RBBP4: variants seen among roughly 807,000 people sequenced by gnomAD.
The protein encoded by RBBP4 is RB binding protein 4, chromatin remodeling factor, also known as histone-binding protein RBBP4.
In RBBP4, 3 loss-of-function variants were observed where a neutral mutation model predicts 57.2. That is an observed-to-expected ratio of 0.05 (90% CI 0.02 to 0.14). The LOEUF (loss-of-function observed/expected upper bound fraction) is 0.14. Ranked by LOEUF, RBBP4 falls within the 10% of genes least tolerant of loss-of-function variation. The pLI is 1.00. For missense variants in RBBP4, 107 were observed against 520.6 expected, an observed-to-expected ratio of 0.21 and a Z score of 7.73; for synonymous variants, 151 against 171.5, an observed-to-expected ratio of 0.88 and a Z score of 0.93.
intron 2 of RBBP4, 21 bp from the exon 3 acceptor site, chr1:32,657,406 G>A: frequency 6.2e-7 from 1 of 1,605,736 alleles, no homozygotes; most frequent in South Asian, 1.1e-5. Flanking sequence ...TTTGAACAGT[G>A]ACTATATATT....
intron 2 of RBBP4, among the ~76,000 whole-genome samples, chr1:32,654,706 G>A (rs1039342143): frequency 1.3e-5 from 2 of 152,136 alleles, no homozygotes; most frequent in Admixed American, 6.6e-5. Flanking sequence ...GTTGTTTTGA[G>A]ACGGAGGACG....
At chr1:32,651,444 G>C (rs1647624585) in intron 1 of RBBP4, 122 bp downstream of exon 1, 1 of 1,367,086 alleles carries the variant, frequency 7.3e-7, no homozygotes, top group East Asian at 2.9e-5. Context: ...TACTGAAGGC[G>C]TGAAGAGGGA....
intron 8 of RBBP4, 51 bp from the exon 9 acceptor site, chr1:32,672,399 C>A: frequency 7.3e-7 from 1 of 1,375,698 alleles, no homozygotes; most frequent in African/African-American, 1.5e-5. Context: ...GAATTTTTTC[C>A]CTTTATTTTC....
chr1:32,662,147 G>A, intron 3 of RBBP4: 1 of 270,838 alleles, frequency 3.7e-6, no homozygotes, highest in South Asian at 3.0e-5. Flanking sequence ...GCCTCCCAGA[G>A]TGCTGGGATT....
chr1:32,676,865 C>A (rs1649125398), intron 11 of RBBP4, among the ~76,000 whole-genome samples: 1 of 151,898 alleles, frequency 6.6e-6, no homozygotes, highest in Non-Finnish European at 1.5e-5. Context: ...CTAGCGTGAT[C>A]CCAGGAGGCA....
Position 32,669,030 on chromosome 1 carries a change from A to G in RBBP4, c.659A>G (p.Lys220Arg). ...VPKEGKVVDA[K>R]TIFTGHTAVV... ...AAGGAGGGAAAAGTGGTAGATGCGAAGACCATCTTTACAGGGCATACGGCA... is the reference window on the plus strand; with the variant it reads ...AAGGAGGGAAAAGTGGTAGATGCGAGGACCATCTTTACAGGGCATACGGCA... The change falls in exon 6 of 12, where the codon AAG (lysine) becomes AGG (arginine). Residue 220 changes from lysine to arginine, a missense_variant. Physicochemically the swap from Lys to Arg is conservative, Grantham distance 26. Transcript: ENST00000373493. This position sits in a 1 kb window ranked among gnomAD's most constrained non-coding sequence, Gnocchi z 4.9. 6.2e-7 allele frequency: 1 copy of G among 1,614,114 alleles called. No homozygotes were observed. The highest frequency in any genetic ancestry group is 8.5e-7 in the Non-Finnish European group (1 of 1,180,020).
At chr1:32,675,510 C>A (rs1032607895) in intron 11 of RBBP4, among the ~76,000 whole-genome samples, 27 of 151,874 alleles carry the variant, frequency 1.8e-4, no homozygotes, top group African/African-American at 6.5e-4. Context: ...TGGCTCACGC[C>A]TGTACTCCCA....
chr1:32,676,376 G>A (rs931920129), intron 11 of RBBP4, among the ~76,000 whole-genome samples: 2 of 152,026 alleles, frequency 1.3e-5, no homozygotes, highest in African/African-American at 4.8e-5. Flanking sequence ...AGGCCGAGGT[G>A]GGCAGATCAC....
At position 32,669,857 on chromosome 1, in the gene RBBP4, C is replaced by G. The variant is rs921269156; in HGVS notation, c.966+294C>G. ...AGTGAGCCGAGATTGTGCCACTGCA[C>G]TCTAGCCTGGGCGACAGAACGAGAG... On this transcript the variant is annotated intron_variant, in intron 8 of 11. Transcript: ENST00000373493. This position sits in a 1 kb window ranked among gnomAD's most constrained non-coding sequence, Gnocchi z 4.9. 4.0e-5 allele frequency among the ~76,000 whole-genome samples: 6 copies of G among 151,624 alleles called. No homozygotes were observed. The highest frequency in any genetic ancestry group is 5.9e-5 in the Non-Finnish European group (4 of 67,978).
chr1:32,684,726 C>T lies in RBBP4; in HGVS notation c.*5021C>T, dbSNP rs927340040. ...TGGGCTGAGTTTCATATACCTCTCCCTCCATGTGCAGGTTTGTTAAGATAA... is the reference window on the plus strand; with the variant it reads ...TGGGCTGAGTTTCATATACCTCTCCTTCCATGTGCAGGTTTGTTAAGATAA... On this transcript the variant is annotated 3_prime_UTR_variant, in exon 12 of 12. Transcript: ENST00000373493. 12 of 196,454 alleles carry T rather than the reference C, an allele frequency of 6.1e-5. No homozygotes were observed. The highest frequency in any genetic ancestry group is 1.9e-4 in the African/African-American group (8 of 43,156). The allele number at this position is 196,454 out of a possible 1,614,324, so 12.2% of individuals were successfully genotyped here.
At chr1:32,652,156 G>A in intron 2 of RBBP4, 95 bp downstream of exon 2, 1 of 1,411,672 alleles carries the variant, frequency 7.1e-7, no homozygotes, top group Non-Finnish European at 9.6e-7. Flanking sequence ...ACCCGGAGAA[G>A]GCATGTGATC....
chr1:32,679,995 T>G lies in RBBP4; in HGVS notation c.*290T>G. 8.6e-7 allele frequency: 1 copy of G among 1,167,992 alleles called. No individual in the cohort carries two copies. Among genetic ancestry groups the G allele is most frequent in the Non-Finnish European group, 1.1e-6 (1 of 947,250 alleles). 72.4% of individuals were successfully genotyped at this position (1,167,992 alleles called of 1,614,324 possible). On this transcript the variant is annotated 3_prime_UTR_variant, in exon 12 of 12. Coordinates refer to ENST00000373493, the MANE Select transcript of RBBP4 (RefSeq NM_005610.3). ...TTATGTGTGATTATTTTTCTTCTTA[T>G]GCTATATCCCCAAGTTTTTCAGACT... is the stretch of plus-strand genomic sequence containing the variant.
Position 32,684,462 on chromosome 1 carries a change from T to G in RBBP4, c.*4757T>G, listed in dbSNP as rs2148544516. The stretch of plus-strand genomic sequence containing the variant: ...TGTCCACTCTTACTTATAAAACACT[T>G]TTTTGTTCATTGTTTAATCTTGATA... On this transcript the variant is annotated 3_prime_UTR_variant, in exon 12 of 12. Coordinates refer to ENST00000373493, the MANE Select transcript of RBBP4 (RefSeq NM_005610.3). 1 of 1,590,688 alleles carries G rather than the reference T, an allele frequency of 6.3e-7. No homozygotes were observed. The highest frequency in any genetic ancestry group is 1.1e-5 in the South Asian group (1 of 88,356).
At chr1:32,662,263 G>A (rs552556065) in intron 3 of RBBP4, 7 of 298,090 alleles carry the variant, frequency 2.3e-5, no homozygotes, top group Admixed American at 3.4e-5. Flanking sequence ...GCAGTGGTGC[G>A]ATCTCACTGC....
At chr1:32,663,228 G>A (rs1269550776) in intron 3 of RBBP4, among the ~76,000 whole-genome samples, 1 of 151,838 alleles carries the variant, frequency 6.6e-6, no homozygotes, top group Non-Finnish European at 1.5e-5. Flanking sequence ...ATTTTGACCT[G>A]GTGCATACAT....
Position 32,681,687 on chromosome 1 carries a change from T to C in RBBP4, c.*1982T>C. 2.8e-6 allele frequency: 3 copies of C among 1,083,602 alleles called. No individual in the cohort carries two copies. Among genetic ancestry groups the C allele is most frequent in the Non-Finnish European group, 4.1e-6 (3 of 728,120 alleles). 67.1% of individuals were successfully genotyped at this position (1,083,602 alleles called of 1,614,324 possible). On this transcript the variant is annotated 3_prime_UTR_variant, in exon 12 of 12. Transcript: ENST00000373493. ...TCTGCCTCCGGCCAACTCTAGAATC[T>C]TTTTAAGCAGGTCAGCCAGTATTTG...
intron 3 of RBBP4, among the ~76,000 whole-genome samples, chr1:32,666,911 G>A (rs1053431381): frequency 1.3e-5 from 2 of 152,216 alleles, no homozygotes; most frequent in African/African-American, 4.8e-5. Flanking sequence ...GGCAGGTATA[G>A]GATGAGGTGC....
chr1:32,673,151 T>C (rs1046326428), intron 11 of RBBP4, among the ~76,000 whole-genome samples: 6 of 152,100 alleles, frequency 3.9e-5, no homozygotes, highest in Non-Finnish European at 5.9e-5. Flanking sequence ...CTCTCCTCCT[T>C]CTTTCTTTCT....
chr1:32,679,718 T>C lies in RBBP4; in HGVS notation c.*13T>C, dbSNP rs757645725. On this transcript the variant is annotated 3_prime_UTR_variant, in exon 12 of 12. Coordinates refer to ENST00000373493, the MANE Select transcript of RBBP4 (RefSeq NM_005610.3). Reference sequence around the variant, plus strand: ...ACAAGGGTCCTAGATATGTCTTTACTTGTTGTGATTTTAGACTCCCCTTTT... The same window carrying C: ...ACAAGGGTCCTAGATATGTCTTTACCTGTTGTGATTTTAGACTCCCCTTTT... The C allele has an allele frequency of 7.4e-6, 12 of 1,612,758 alleles. 1 individual carries two copies. The South Asian group carries it at 1.3e-4, about 18-fold the overall frequency.
Sources: gnomAD v4.1 joint callset for allele counts (sites outside exome capture counted in the v4.1 genomes callset) on GRCh38, gnomAD v4.1.1 for gene constraint, Gnocchi (gnomAD v3.1) non-coding constraint, MANE v1.5 for transcripts, NCBI Gene and HGNC (gene_info 2026-07-23, HGNC 2026-07-21) for gene names.